The following CBFA2T3 variants were observed in gnomAD, a reference collection of about 807,000 sequenced individuals.
The protein encoded by CBFA2T3 is transcriptional corepressor CBFA2T3.
CBFA2T3 carries 31 observed loss-of-function variants against 58.6 expected under a neutral mutation model. The observed-to-expected ratio is 0.53, with a 90% CI of 0.40 to 0.71. The LOEUF (loss-of-function observed/expected upper bound fraction) is 0.71. Among genes scored for constraint, CBFA2T3 ranks in the 30% least tolerant of loss-of-function variants. The pLI is 0.00. For synonymous variants in CBFA2T3, 531 were observed against 421.9 expected, an observed-to-expected ratio of 1.26 and a Z score of -3.17; for missense variants, 1,076 against 963.1, an observed-to-expected ratio of 1.12 and a Z score of -1.55.
intron 5 of CBFA2T3, among the ~76,000 whole-genome samples, chr16:88,889,210 G>A (rs1346194489): frequency 6.6e-6 from 1 of 151,436 alleles, no homozygotes; most frequent in Non-Finnish European, 1.5e-5. Flanking sequence ...CCAGGCTCCT[G>A]CCACTCCAGA....
At chr16:88,940,571 A>C (rs1398381926) in intron 1 of CBFA2T3, among the ~76,000 whole-genome samples, 1 of 152,122 alleles carries the variant, frequency 6.6e-6, no homozygotes, top group Non-Finnish European at 1.5e-5. Flanking sequence ...GACCACCTTT[A>C]GCCTGCGGGG....
intron 1 of CBFA2T3, among the ~76,000 whole-genome samples, chr16:88,940,751 C>T (rs1308461039): frequency 6.6e-6 from 1 of 152,044 alleles, no homozygotes; most frequent in African/African-American, 2.4e-5. Flanking sequence ...CCGGGCGGCC[C>T]CAGGGGAGCC....
intron 1 of CBFA2T3, among the ~76,000 whole-genome samples, chr16:88,952,588 G>A (rs113949246): frequency 0.017 from 2,659 of 152,004 alleles, 45 homozygotes; most frequent in Middle Eastern, 0.024. Context: ...CCTGCTGCTC[G>A]CCCCCATCGC....
chr16:88,974,769 C>A (rs981033055), intron 1 of CBFA2T3, among the ~76,000 whole-genome samples: 2 of 151,968 alleles, frequency 1.3e-5, no homozygotes, highest in East Asian at 1.9e-4. Context: ...AGTTCCCATG[C>A]CCCCCATGGC....
In CBFA2T3 at chr16:88,898,636, C is replaced by T. The variant is rs574236532; in HGVS notation, c.305-484G>A. ...GAGCACCATCCTCAGGGACCTGGGC[C>T]GAAGCCGCGTGTCCTAAAAGCGACC... On this transcript the variant is annotated intron_variant, in intron 2 of 11. Transcript: ENST00000268679. Among the ~76,000 whole-genome samples, 50 of 152,320 alleles carry T rather than the reference C, an allele frequency of 3.3e-4. No individual in the cohort carries two copies. In the South Asian group the frequency reaches 6.2e-3, roughly 19 times the overall value.
At chr16:88,972,172 A>T (rs1457004778) in intron 1 of CBFA2T3, among the ~76,000 whole-genome samples, 2 of 150,386 alleles carry the variant, frequency 1.3e-5, no homozygotes, top group Admixed American at 6.6e-5. Context: ...GGAGCATTCC[A>T]GCAGCCACTG....
chr16:88,881,347 G>A lies in CBFA2T3; in HGVS notation c.1346C>T (p.Ala449Val), dbSNP rs1969067531. ...SDAEDTKKGP[A>V]PAAARPRSSS... ...GCTGCGGGGCCGGGCCGCGGCGGGAGCGGGGCCCTTCTTTGTGTCCTCGGC... is the reference window on the plus strand; with the variant it reads ...GCTGCGGGGCCGGGCCGCGGCGGGAACGGGGCCCTTCTTTGTGTCCTCGGC... Residue 449 changes from alanine to valine, a missense_variant, in exon 9 of 12, where the codon GCT becomes GTT. Physicochemically the swap from Ala to Val is moderately conservative, Grantham distance 64. Coordinates refer to ENST00000268679, the MANE Select transcript of CBFA2T3 (RefSeq NM_005187.6). 3.8e-6 allele frequency: 6 copies of A among 1,584,516 alleles called. No individual in the cohort carries two copies. The highest frequency in any genetic ancestry group is 5.1e-6 in the Non-Finnish European group (6 of 1,167,136).
Position 88,892,407 on chromosome 16 carries a change from GC to G in CBFA2T3, c.457del (p.Ala153ProfsTer55), listed in dbSNP as rs1567585516. 6.2e-7 allele frequency: 1 copy of G among 1,613,574 alleles called. No individual in the cohort carries two copies. ...GGACAAGGAGGCTGTGGACGAGGTG[GC>G]CGGGCCATTGCTGAAGCCGTTGGGT... ...CTPNGFSNGP[A>X]TSSTASLSTQ... On this transcript the variant is annotated frameshift_variant, in exon 4 of 12. Coordinates refer to ENST00000268679, the MANE Select transcript of CBFA2T3 (RefSeq NM_005187.6). LOFTEE classifies it high-confidence loss of function.
rs1392513703 is a variant in CBFA2T3, at chr16:88,920,511, C to T, written c.152-18855G>A. On this transcript the variant is annotated intron_variant, in intron 1 of 11. Coordinates refer to ENST00000268679, the MANE Select transcript of CBFA2T3 (RefSeq NM_005187.6). ...TGTTGGCCAGGCTGGTCTCGAACTC[C>T]TGACCTCAAGTGATCCGCCCACCTC... Among the ~76,000 whole-genome samples the T allele has an allele frequency of 3.3e-5, 5 of 151,808 alleles. No individual in the cohort carries two copies. The East Asian group carries it at 9.7e-4, about 29-fold the overall frequency.
intron 3 of CBFA2T3, among the ~76,000 whole-genome samples, chr16:88,896,371 C>CTGGGCTCAGGA (rs1260395094): frequency 2.0e-5 from 3 of 152,224 alleles, no homozygotes; most frequent in Non-Finnish European, 4.4e-5. Flanking sequence ...CAGCGCCTTC[C>CTGGGCTCAGGA]TGGGCTCAGG....
At chr16:88,893,334 G>A (rs927131271) in intron 3 of CBFA2T3, among the ~76,000 whole-genome samples, 1 of 150,348 alleles carries the variant, frequency 6.7e-6, no homozygotes, top group East Asian at 1.9e-4. Context: ...CCAGCCCTGA[G>A]CAATATGCGC....
rs1253685496 is a variant in CBFA2T3 at position 88,962,637 on chromosome 16, G to A, written c.151+14020C>T. Among the ~76,000 whole-genome samples, 3 of 152,208 alleles carry A rather than the reference G, an allele frequency of 2.0e-5. No homozygotes were observed. The East Asian group carries it at 5.8e-4, about 29-fold the overall frequency. ...CTGAACACAGATGCCGAGTCCCCTG[G>A]ACCACGTTTCGGGGGGAGACAGCCA... On this transcript the variant is annotated intron_variant, in intron 1 of 11. Transcript: ENST00000268679.
chr16:88,898,008 T>C (rs1969952361), intron 3 of CBFA2T3, 70 bp downstream of exon 3: 5 of 1,125,872 alleles, frequency 4.4e-6, no homozygotes, highest in Non-Finnish European at 6.8e-6. Context: ...AGGGCAGCAG[T>C]GTTGGGCCAG....
chr16:88,908,544 C>T (rs1385377782), intron 1 of CBFA2T3, among the ~76,000 whole-genome samples: 3 of 152,144 alleles, frequency 2.0e-5, no homozygotes, highest in Non-Finnish European at 4.4e-5. Flanking sequence ...GCCGCTCATC[C>T]ATCACTTCCC....
intron 1 of CBFA2T3, among the ~76,000 whole-genome samples, chr16:88,906,585 A>T (rs1970344619): frequency 6.6e-6 from 1 of 152,260 alleles, no homozygotes; most frequent in Admixed American, 6.5e-5. Context: ...CAGCAGCGCC[A>T]GAAAGGGGAC....
chr16:88,877,529 C>T (rs937587120), intron 11 of CBFA2T3, among the ~76,000 whole-genome samples: 1 of 152,202 alleles, frequency 6.6e-6, no homozygotes, highest in South Asian at 2.1e-4. Flanking sequence ...TGGACAACGA[C>T]CCCTGCCTCC....
chr16:88,940,873 G>A (rs2142806696), intron 1 of CBFA2T3: 1 of 216,412 alleles, frequency 4.6e-6, no homozygotes, highest in South Asian at 1.7e-4. Context: ...GGTGGGCGCT[G>A]GGCGGGTTGG....
chr16:88,876,077 G>C lies in CBFA2T3; in HGVS notation c.*899C>G, dbSNP rs1031307426. On this transcript the variant is annotated 3_prime_UTR_variant, in exon 12 of 12. Coordinates refer to ENST00000268679, the MANE Select transcript of CBFA2T3 (RefSeq NM_005187.6). ...GACCCACATCCAAACAAACCCAAGA[G>C]CAAGTGAAACAGTGAAAAAAATACT... is the stretch of plus-strand genomic sequence containing the variant. 4.7e-5 allele frequency: 11 copies of C among 232,776 alleles called. No homozygotes were observed. The highest frequency in any genetic ancestry group is 2.2e-4 in the African/African-American group (10 of 45,294). The allele number at this position is 232,776 out of a possible 1,614,324, so 14.4% of individuals were successfully genotyped here.
At chr16:88,902,066 A>G (rs1970120256) in intron 1 of CBFA2T3, among the ~76,000 whole-genome samples, 2 of 152,218 alleles carry the variant, frequency 1.3e-5, no homozygotes, top group South Asian at 4.1e-4. Flanking sequence ...GTCCTGATTC[A>G]GCAGGTCAGG....
Sources: allele counts gnomAD v4.1 joint callset (sites outside exome capture counted in the v4.1 genomes callset), GRCh38; gene constraint gnomAD v4.1.1; transcripts MANE v1.5; gene names NCBI Gene and HGNC (gene_info 2026-07-23, HGNC 2026-07-21).